Variants in SDK2 observed in about 807,000 individuals in gnomAD.
SDK2 encodes the protein sidekick cell adhesion molecule 2, also known as protein sidekick-2.
Under a neutral mutation model 253.9 loss-of-function variants are expected in SDK2, and 105 were observed. That is an observed-to-expected ratio of 0.41 (90% CI 0.35 to 0.49). SDK2 has a LOEUF of 0.49. SDK2 is among the 20% of genes least tolerant of loss of function. The pLI is 0.06. For missense variants in SDK2, 2,608 were observed against 3,003.0 expected (o/e 0.87, Z 3.07); for synonymous variants, 1,249 against 1,234.9 (o/e 1.01, Z -0.24).
intron 3 of SDK2, among the ~76,000 whole-genome samples, chr17:73,460,210 G>C (rs1254252365): frequency 6.6e-6 from 1 of 152,180 alleles, no homozygotes; most frequent in African/African-American, 2.4e-5. Context: ...CATGTTGTGA[G>C]GAAGCTCAAT....
chr17:73,504,254 GT>G (rs1362478588), intron 2 of SDK2: 2 of 100,402 alleles, frequency 2.0e-5, no homozygotes, highest in African/African-American at 6.7e-5. Flanking sequence ...GTGTGTGTGT[GT>G]GTGTGTGTGT....
chr17:73,580,134 C>A (rs533057418), intron 1 of SDK2, among the ~76,000 whole-genome samples: 2 of 152,156 alleles, frequency 1.3e-5, no homozygotes, highest in Non-Finnish European at 2.9e-5. Context: ...TCCAGGACTG[C>A]GGAACAATTC....
chr17:73,385,766 T>G (rs1599508332), intron 32 of SDK2, 81 bp downstream of exon 32: 1 of 1,317,286 alleles, frequency 7.6e-7, no homozygotes, highest in African/African-American at 1.5e-5. Context: ...CACGCAGCCC[T>G]GGTGGGGACT....
intron 1 of SDK2, among the ~76,000 whole-genome samples, chr17:73,529,685 G>A (rs141782170): frequency 2.6e-5 from 4 of 152,228 alleles, no homozygotes; most frequent in African/African-American, 4.8e-5. Flanking sequence ...ACCATGGGAA[G>A]ACAAAGGCAG....
intron 2 of SDK2, among the ~76,000 whole-genome samples, chr17:73,479,401 G>T (rs1035553030): frequency 6.6e-6 from 1 of 152,250 alleles, no homozygotes; most frequent in African/African-American, 2.4e-5. Context: ...TGTTCCTGCA[G>T]CAGGAAGACT....
rs528855176 is a variant in SDK2 at position 73,498,454 on chromosome 17, G to C, written c.224+8984C>G. 5.2e-3 allele frequency among the ~76,000 whole-genome samples: 794 copies of C among 152,330 alleles called. 1 individual carries two copies. The highest frequency in any genetic ancestry group is 8.0e-3 in the Non-Finnish European group (541 of 68,036). On this transcript the variant is annotated intron_variant, in intron 2 of 44. Transcript: ENST00000392650. Reference sequence around the variant, plus strand: ...AAAGGTGGCAGGGCAGGCGGGGCTGGCACTGCCTTTCCGATTGTCCTCCTT... The same window carrying C: ...AAAGGTGGCAGGGCAGGCGGGGCTGCCACTGCCTTTCCGATTGTCCTCCTT...
chr17:73,336,871 A>T lies in SDK2; in HGVS notation c.*1716T>A, dbSNP rs2062383229. ...CTGCCACCCATCTCAGCGGTGGGGCAGGTGTTGGGCTGGCCTTACAGGGCT... is the reference window on the plus strand; with the variant it reads ...CTGCCACCCATCTCAGCGGTGGGGCTGGTGTTGGGCTGGCCTTACAGGGCT... On this transcript the variant is annotated 3_prime_UTR_variant, in exon 45 of 45. Transcript: ENST00000392650. 4 of 136,902 alleles carry T rather than the reference A, an allele frequency of 2.9e-5. No homozygotes were observed. Among genetic ancestry groups the T allele is most frequent in the Non-Finnish European group, 6.5e-5 (4 of 61,788 alleles). The allele number at this position is 136,902 out of a possible 1,614,324, so 8.5% of individuals were successfully genotyped here.
intron 1 of SDK2, among the ~76,000 whole-genome samples, chr17:73,532,521 G>C (rs1457477836): frequency 6.6e-6 from 1 of 152,294 alleles, no homozygotes; most frequent in East Asian, 1.9e-4. Flanking sequence ...CTGTCCTTCA[G>C]AGAGAGCCAC....
chr17:73,355,999 C>T (rs557909112), intron 40 of SDK2, among the ~76,000 whole-genome samples: 1 of 152,196 alleles, frequency 6.6e-6, no homozygotes, highest in Non-Finnish European at 1.5e-5. Context: ...CCTGGGTCTA[C>T]GTGCTTTCCT....
rs116075402 is a variant in SDK2 at position 73,607,434 on chromosome 17, G to T, written c.64+36591C>A. Among the ~76,000 whole-genome samples the T allele has an allele frequency of 2.4e-3, 363 of 152,248 alleles. 2 individuals are homozygous for T. Among genetic ancestry groups the T allele is most frequent in the African/African-American group, 8.6e-3 (356 of 41,534 alleles). The stretch of plus-strand genomic sequence containing the variant: ...CCTGTCATGTACCAGGCCCTCATCC[G>T]GGCATTTGGGATCTACCGGGGGACC... On this transcript the variant is annotated intron_variant, in intron 1 of 44. Coordinates refer to ENST00000392650, the MANE Select transcript of SDK2 (RefSeq NM_001144952.2).
In SDK2 at chr17:73,361,658, A is replaced by G. The variant is rs1404677558; in HGVS notation, c.5467+26T>C. ...GGGACGCTGAACCGCCGTGTGGAAGACATGCCTGGTCCGTTGCTCTCCTAC... is the reference window on the plus strand; with the variant it reads ...GGGACGCTGAACCGCCGTGTGGAAGGCATGCCTGGTCCGTTGCTCTCCTAC... On this transcript the variant is annotated intron_variant, in intron 39 of 44. Coordinates refer to ENST00000392650, the MANE Select transcript of SDK2 (RefSeq NM_001144952.2). The surrounding 1 kb of genome is among the most constrained non-coding windows in gnomAD (Gnocchi z 4.1). 3 of 1,599,322 alleles carry G rather than the reference A, an allele frequency of 1.9e-6. No individual in the cohort carries two copies. Among genetic ancestry groups the G allele is most frequent in the Non-Finnish European group, 2.6e-6 (3 of 1,167,984 alleles).
intron 1 of SDK2, among the ~76,000 whole-genome samples, chr17:73,531,095 G>C: frequency 6.6e-6 from 1 of 151,996 alleles, no homozygotes; most frequent in Admixed American, 6.6e-5. Context: ...TTTCTGCTCC[G>C]ATCTTCCTTG....
rs184865187 is a variant in SDK2 at position 73,463,007 on chromosome 17, C to T, written c.332-6954G>A. On this transcript the variant is annotated intron_variant, in intron 3 of 44. Coordinates refer to ENST00000392650, the MANE Select transcript of SDK2 (RefSeq NM_001144952.2). ...ACAGCAGCAAGAGGCTGCTAAGAGG[C>T]GGTCTGTTCAGCCAGACAGTGCAGG... is the stretch of plus-strand genomic sequence containing the variant. 2.0e-3 allele frequency among the ~76,000 whole-genome samples: 312 copies of T among 152,318 alleles called. 2 individuals carry two copies. Among genetic ancestry groups the T allele is most frequent in the African/African-American group, 7.4e-3 (306 of 41,572 alleles).
At chr17:73,392,633 G>A (rs1289869814) in intron 27 of SDK2, among the ~76,000 whole-genome samples, 1 of 151,602 alleles carries the variant, frequency 6.6e-6, no homozygotes, top group Admixed American at 6.6e-5. Flanking sequence ...CAAGGCAGGA[G>A]GATAGAACAT....
At chr17:73,504,463 TAA>T (rs11364521) in intron 2 of SDK2, 8 of 148,040 alleles carry the variant, frequency 5.4e-5, no homozygotes, top group Non-Finnish European at 1.0e-4. Flanking sequence ...CCGTTTCTAC[TAA>T]AAAAAAAATA....
chr17:73,457,466 T>C (rs1012483280), intron 3 of SDK2, among the ~76,000 whole-genome samples: 17 of 151,234 alleles, frequency 1.1e-4, no homozygotes, highest in African/African-American at 3.9e-4. Context: ...TTCTCCTGCC[T>C]CAGCCTCCTG....
rs1267231504 is a variant in SDK2 at position 73,612,397 on chromosome 17, G to A, written c.64+31628C>T. 6.6e-6 allele frequency among the ~76,000 whole-genome samples: 1 copy of A among 152,060 alleles called. No homozygotes were observed. The highest frequency in any genetic ancestry group is 2.4e-5 in the African/African-American group (1 of 41,410). On this transcript the variant is annotated intron_variant, in intron 1 of 44. Coordinates refer to ENST00000392650, the MANE Select transcript of SDK2 (RefSeq NM_001144952.2). The surrounding 1 kb of genome is among the most constrained non-coding windows in gnomAD (Gnocchi z 4.4). ...GTCCCCACCCTCACCGGGTCCCTGT[G>A]GCCCAGCTGCACCTAGGCTGCAGGC...
At chr17:73,552,984 G>A (rs2045085988) in intron 1 of SDK2, among the ~76,000 whole-genome samples, 1 of 152,230 alleles carries the variant, frequency 6.6e-6, no homozygotes, top group Non-Finnish European at 1.5e-5. Flanking sequence ...GGTTCCTCGA[G>A]CACCCTAATC....
At chr17:73,527,846 G>A (rs1002096079) in intron 1 of SDK2, among the ~76,000 whole-genome samples, 2 of 152,160 alleles carry the variant, frequency 1.3e-5, no homozygotes, top group Admixed American at 6.5e-5. Flanking sequence ...TCCCTGTCCA[G>A]AAGAAAAATG....
Sources: gnomAD v4.1 joint callset for allele counts (sites outside exome capture counted in the v4.1 genomes callset) on GRCh38, gnomAD v4.1.1 for gene constraint, Gnocchi (gnomAD v3.1) non-coding constraint, MANE v1.5 for transcripts, NCBI Gene and HGNC (gene_info 2026-07-23, HGNC 2026-07-21) for gene names.